The following SPATA9 variants were observed in gnomAD, a reference collection of about 807,000 sequenced individuals.
The protein encoded by SPATA9 is spermatogenesis-associated protein 9.
A neutral mutation model predicts 25.5 loss-of-function variants in SPATA9; 27 were observed. The ratio of observed to expected loss-of-function variants is 1.06; its 90% CI spans 0.78 to 1.46. SPATA9 has a LOEUF of 1.46. SPATA9 is among the 40% of genes most tolerant of loss of function. The pLI, the probability that SPATA9 is intolerant of heterozygous loss-of-function variation, is 0.00. For missense variants in SPATA9, 282 were observed against 297.5 expected, an observed-to-expected ratio of 0.95 and a Z score of 0.38; for synonymous variants, 102 against 105.7, an observed-to-expected ratio of 0.97 and a Z score of 0.21.
rs1292006902 is a variant in SPATA9, at chr5:95,658,873, A to G, written c.515T>C (p.Ile172Thr). ...VNAVLKKVKN[I>T]FQEEESIRQN... ...CCTTATGGATTCTTCTTCCTGGAAG[A>G]TGTTCTTTACCTTCTTCAGCACAGC... Residue 172 changes from isoleucine to threonine, a missense_variant, in exon 5 of 5, where the codon ATC becomes ACC. Physicochemically the swap from Ile to Thr is moderately conservative, Grantham distance 89. Transcript: ENST00000274432. 1 of 1,613,824 alleles carries G rather than the reference A, an allele frequency of 6.2e-7. No homozygotes were observed. Among genetic ancestry groups the G allele is most frequent in the Non-Finnish European group, 8.5e-7 (1 of 1,179,848 alleles).
At chr5:95,693,756 A>G (rs1259879102) in intron 1 of SPATA9, among the ~76,000 whole-genome samples, 2 of 152,210 alleles carry the variant, frequency 1.3e-5, no homozygotes, top group African/African-American at 4.8e-5. Context: ...TTAAATTGAC[A>G]TCTTTCTCTT....
At chr5:95,658,953 T>C in intron 4 of SPATA9, 40 bp from the exon 5 acceptor site, 1 of 1,547,658 alleles carries the variant, frequency 6.5e-7, no homozygotes. Context: ...AGTTTCTTTT[T>C]AAGCTACTAA....
intron 4 of SPATA9, among the ~76,000 whole-genome samples, chr5:95,661,341 G>T (rs775631386): frequency 4.6e-5 from 7 of 151,838 alleles, no homozygotes; most frequent in Non-Finnish European, 1.0e-4. Flanking sequence ...GGTTCCACTC[G>T]TAGGACATTA....
downstream of SPATA9, among the ~76,000 whole-genome samples, chr5:95,654,535 CTCTATA>C (rs1437429569): frequency 2.0e-5 from 3 of 152,090 alleles, no homozygotes; most frequent in African/African-American, 4.8e-5. Flanking sequence ...AGCAATTATA[CTCTATA>C]TCTATTCTAT....
At chr5:95,689,653 C>T (rs1420580934) in intron 1 of SPATA9, among the ~76,000 whole-genome samples, 2 of 151,944 alleles carry the variant, frequency 1.3e-5, no homozygotes, top group Admixed American at 6.6e-5. Context: ...GCAGGACAAA[C>T]ACATTATTGG....
chr5:95,692,201 T>C (rs776507719), intron 1 of SPATA9, among the ~76,000 whole-genome samples: 10 of 152,126 alleles, frequency 6.6e-5, no homozygotes, highest in Non-Finnish European at 1.3e-4. Context: ...CTTTCAGTGG[T>C]GCCTGAAATA....
chr5:95,652,884 T>G, downstream of SPATA9: 1 of 508,798 alleles, frequency 2.0e-6, no homozygotes, highest in Non-Finnish European at 3.3e-6. Flanking sequence ...TGTTTTGCTA[T>G]AATCCATTCT....
downstream of SPATA9, chr5:95,654,105 ATTC>A (rs1432765689): frequency 5.0e-6 from 8 of 1,611,790 alleles, no homozygotes; most frequent in African/African-American, 4.0e-5. Flanking sequence ...AAGAGGGAAT[ATTC>A]TTCTGTGTGT....
chr5:95,707,433 C>T, the SPATA9 span, among the ~76,000 whole-genome samples: 1 of 151,936 alleles, frequency 6.6e-6, no homozygotes, highest in Non-Finnish European at 1.5e-5. Flanking sequence ...TCAAAATTCT[C>T]TCGGCCCCGA....
At chr5:95,731,381 G>C in the SPATA9 span, 1 of 1,163,922 alleles carries the variant, frequency 8.6e-7, no homozygotes, top group Non-Finnish European at 1.1e-6. Context: ...GCGGAGAGGG[G>C]ACTGCGGTCA....
Position 95,690,235 on chromosome 5 carries a change from A to G in SPATA9, n.124+8353T>C, listed in dbSNP as rs549693305. On this transcript the variant is annotated intron_variant and non_coding_transcript_variant, in intron 1 of 2. Transcript: ENST00000379990. ...GTAAAATGCTGTAATGTTAAACAGA[A>G]TTGGAAATATCATCGTAAACTCAAG... Among the ~76,000 whole-genome samples the G allele has an allele frequency of 6.7e-4, 102 of 152,362 alleles. 1 individual carries two copies. The highest frequency in any genetic ancestry group is 2.4e-3 in the African/African-American group (100 of 41,594).
chr5:95,672,312 G>A (rs1752465384), intron 3 of SPATA9, among the ~76,000 whole-genome samples: 1 of 152,102 alleles, frequency 6.6e-6, no homozygotes, highest in Non-Finnish European at 1.5e-5. Flanking sequence ...CCCTTATAAA[G>A]GGATCTGAAT....
At chr5:95,728,420 T>C in the SPATA9 span, among the ~76,000 whole-genome samples, 1 of 152,232 alleles carries the variant, frequency 6.6e-6, no homozygotes, top group Non-Finnish European at 1.5e-5. Flanking sequence ...TTCTTCCAAA[T>C]CTAACAAATT....
downstream of SPATA9, chr5:95,656,992 T>C (rs1048554646): frequency 1.3e-5 from 2 of 152,174 alleles, no homozygotes; most frequent in South Asian, 2.1e-4. Context: ...TTAACCACTG[T>C]TAAGTGATCT....
the SPATA9 span, among the ~76,000 whole-genome samples, chr5:95,729,376 C>T: frequency 6.6e-6 from 1 of 152,084 alleles, no homozygotes; most frequent in African/African-American, 2.4e-5. Context: ...TATTGAGTAA[C>T]TAAGGAAAAA....
Position 95,682,899 on chromosome 5 carries a change from C to T in SPATA9, c.-45G>A. On this transcript the variant is annotated 5_prime_UTR_variant, in exon 1 of 5. Coordinates refer to ENST00000274432, the MANE Select transcript of SPATA9 (RefSeq NM_031952.4). ...TCCTAGTCCTTAACAAGCTTGCAGG[C>T]CTGGGTAATGCTTGTCCTAGTCTGC... 6.8e-7 allele frequency: 1 copy of T among 1,477,558 alleles called. No individual in the cohort carries two copies. The highest frequency in any genetic ancestry group is 9.0e-7 in the Non-Finnish European group (1 of 1,115,656). 91.5% of individuals were successfully genotyped at this position (1,477,558 alleles called of 1,614,324 possible).
the SPATA9 span, among the ~76,000 whole-genome samples, chr5:95,724,446 GAT>G: frequency 1.3e-5 from 2 of 152,176 alleles, no homozygotes; most frequent in African/African-American, 2.4e-5. Flanking sequence ...AATTCTATAA[GAT>G]AGAAGAGTTT....
At chr5:95,683,373 A>C (rs190473592), upstream of SPATA9, among the ~76,000 whole-genome samples, 1 of 152,270 alleles carries the variant, frequency 6.6e-6, no homozygotes, top group African/African-American at 2.4e-5. Context: ...AAAACTGTAA[A>C]GTCTTTGGTT....
chr5:95,684,522 G>A (rs570058978), upstream of SPATA9: 1 of 152,354 alleles, frequency 6.6e-6, no homozygotes, highest in East Asian at 1.9e-4. Context: ...TCAGGCTAAT[G>A]TTTACTGCAC....
Sources: gnomAD v4.1 joint callset for allele counts (sites outside exome capture counted in the v4.1 genomes callset) on GRCh38, gnomAD v4.1.1 for gene constraint, MANE v1.5 for transcripts, NCBI Gene and HGNC (gene_info 2026-07-23, HGNC 2026-07-21) for gene names.